PRKAR2B: variants seen among roughly 807,000 people sequenced by gnomAD.
PRKAR2B encodes the protein protein kinase cAMP-dependent type II regulatory subunit beta.
A neutral mutation model predicts 49.9 loss-of-function variants in PRKAR2B; 14 were observed. That is an observed-to-expected ratio of 0.28 (90% CI 0.19 to 0.44). The LOEUF (loss-of-function observed/expected upper bound fraction) is 0.44, where lower values mean the gene tolerates loss of function less well. Among genes scored for constraint, PRKAR2B ranks in the 20% least tolerant of loss-of-function variants. The pLI is 1.00. For missense variants in PRKAR2B, 393 were observed against 537.9 expected, an observed-to-expected ratio of 0.73 and a Z score of 2.67; for synonymous variants, 196 against 197.7, an observed-to-expected ratio of 0.99 and a Z score of 0.07.
In PRKAR2B at chr7:107,159,704, A is replaced by C. The variant is rs1388427085; in HGVS notation, c.*122A>C. The C allele has an allele frequency of 7.9e-6, 8 of 1,013,058 alleles. No homozygotes were observed. Among genetic ancestry groups the C allele is most frequent in the Non-Finnish European group, 1.2e-5 (8 of 693,320 alleles). The allele number at this position is 1,013,058 out of a possible 1,614,324, so 62.8% of individuals were successfully genotyped here. A position where few individuals can be genotyped will look rare whatever the true frequency, so the allele number is the denominator to read the frequency against. On this transcript the variant is annotated 3_prime_UTR_variant, in exon 11 of 11. Transcript: ENST00000265717. Reference sequence around the variant, plus strand: ...ATTTCAGGTTTTTTCCTTTTTTTACATTTACAACGTATCAATAAACAGTAG... The same window carrying C: ...ATTTCAGGTTTTTTCCTTTTTTTACCTTTACAACGTATCAATAAACAGTAG...
intron 7 of PRKAR2B, 88 bp downstream of exon 7, chr7:107,151,111 G>A (rs1795977962): frequency 4.3e-6 from 3 of 690,700 alleles, no homozygotes; most frequent in East Asian, 3.4e-5. Flanking sequence ...AAATTTCTTT[G>A]AATAAAAAAA....
chr7:107,120,288 C>T (rs567718820), intron 2 of PRKAR2B, among the ~76,000 whole-genome samples: 2 of 152,216 alleles, frequency 1.3e-5, no homozygotes, highest in South Asian at 2.1e-4. Context: ...CCTCTAACCC[C>T]CTATAGTTGT....
chr7:107,056,087 G>T (rs564234747), intron 1 of PRKAR2B, among the ~76,000 whole-genome samples: 9 of 152,248 alleles, frequency 5.9e-5, no homozygotes, highest in Non-Finnish European at 7.4e-5. Flanking sequence ...TTTCCCCATT[G>T]CTTGTTTTTG....
intron 4 of PRKAR2B, among the ~76,000 whole-genome samples, chr7:107,138,022 T>C (rs192937693): frequency 6.0e-4 from 92 of 152,266 alleles, no homozygotes; most frequent in Non-Finnish European, 1.0e-3. Flanking sequence ...CATCCTGTAT[T>C]GTTTATATTT....
At chr7:107,107,699 C>T (rs1795100335) in intron 2 of PRKAR2B, among the ~76,000 whole-genome samples, 1 of 151,760 alleles carries the variant, frequency 6.6e-6, no homozygotes, top group African/African-American at 2.4e-5. Flanking sequence ...CGCTCTGTCA[C>T]CAGGCTGGAG....
intron 2 of PRKAR2B, among the ~76,000 whole-genome samples, chr7:107,084,604 AATGACTACCATCT>A: frequency 6.6e-6 from 1 of 151,482 alleles, no homozygotes; most frequent in East Asian, 1.9e-4. Context: ...TTCCTATTAT[AATGACTACCATCT>A]ATATACTTTT....
intron 2 of PRKAR2B, among the ~76,000 whole-genome samples, chr7:107,104,813 A>G (rs1337306216): frequency 6.6e-6 from 1 of 152,186 alleles, no homozygotes; most frequent in Non-Finnish European, 1.5e-5. Context: ...AGTACCCCTT[A>G]AGTCTAATAC....
chr7:107,147,752 C>A (rs1056931321), intron 6 of PRKAR2B, among the ~76,000 whole-genome samples: 2 of 152,154 alleles, frequency 1.3e-5, no homozygotes, highest in African/African-American at 4.8e-5. Context: ...TTGAAAATAG[C>A]CCACCCACTA....
intron 4 of PRKAR2B, among the ~76,000 whole-genome samples, chr7:107,132,633 A>G (rs1357471935): frequency 6.6e-6 from 1 of 152,180 alleles, no homozygotes; most frequent in East Asian, 1.9e-4. Context: ...GGACTGAAGG[A>G]AAGAATCTAG....
intron 6 of PRKAR2B, among the ~76,000 whole-genome samples, chr7:107,149,808 A>G (rs1421147704): frequency 6.6e-6 from 1 of 152,220 alleles, no homozygotes; most frequent in Non-Finnish European, 1.5e-5. Context: ...GTAGCACAAT[A>G]GGGTGACCAT....
At chr7:107,047,449 T>G (rs1281557358) in intron 1 of PRKAR2B, among the ~76,000 whole-genome samples, 1 of 152,032 alleles carries the variant, frequency 6.6e-6, no homozygotes, top group African/African-American at 2.4e-5. Context: ...AGTTTTTTTT[T>G]TTAAACACAT....
chr7:107,089,182 A>G (rs1794675332), intron 2 of PRKAR2B, among the ~76,000 whole-genome samples: 1 of 152,082 alleles, frequency 6.6e-6, no homozygotes, highest in African/African-American at 2.4e-5. Context: ...ACAAACAAAC[A>G]AAAAAATAGT....
intron 4 of PRKAR2B, among the ~76,000 whole-genome samples, chr7:107,139,334 T>C (rs1160893616): frequency 3.9e-5 from 6 of 152,226 alleles, no homozygotes; most frequent in Non-Finnish European, 8.8e-5. Context: ...ATGAAGGTTT[T>C]TGTTCTAGGG....
chr7:107,110,563 G>A (rs568953358), intron 2 of PRKAR2B, among the ~76,000 whole-genome samples: 2 of 151,854 alleles, frequency 1.3e-5, no homozygotes, highest in East Asian at 3.9e-4. Context: ...TTGCATCTTT[G>A]ATGCCAGCTC....
intron 4 of PRKAR2B, among the ~76,000 whole-genome samples, chr7:107,130,475 A>C (rs937333632): frequency 6.6e-6 from 1 of 152,188 alleles, no homozygotes. Flanking sequence ...ACTGCACTCC[A>C]GCCTGGGCAA....
chr7:107,088,997 C>T (rs568438032), intron 2 of PRKAR2B, among the ~76,000 whole-genome samples: 3 of 152,078 alleles, frequency 2.0e-5, no homozygotes, highest in East Asian at 1.9e-4. Flanking sequence ...GGTAAAACCC[C>T]GTCTCTACTA....
chr7:107,084,620 A>G (rs1794580088), intron 2 of PRKAR2B, among the ~76,000 whole-genome samples: 1 of 150,194 alleles, frequency 6.7e-6, no homozygotes, highest in Admixed American at 6.7e-5. Context: ...TACCATCTAT[A>G]TACTTTTTTT....
chr7:107,156,939 T>C (rs747545399), intron 8 of PRKAR2B, 45 bp from the exon 9 acceptor site: 8 of 1,502,676 alleles, frequency 5.3e-6, no homozygotes, highest in Non-Finnish European at 6.5e-6. Context: ...TTGTTGTCAA[T>C]TAATTTGCAT....
At chr7:107,071,006 A>T (rs185592937) in intron 2 of PRKAR2B, among the ~76,000 whole-genome samples, 1 of 152,352 alleles carries the variant, frequency 6.6e-6, no homozygotes, top group Admixed American at 6.5e-5. Flanking sequence ...TATGAGACAG[A>T]ATTAAGAGCA....
Sources: allele counts gnomAD v4.1 joint callset (sites outside exome capture counted in the v4.1 genomes callset), GRCh38; gene constraint gnomAD v4.1.1; transcripts MANE v1.5; gene names NCBI Gene and HGNC (gene_info 2026-07-23, HGNC 2026-07-21).